CNTLN: variants seen among roughly 807,000 people sequenced by gnomAD.
CNTLN encodes the protein centlein.
In CNTLN, 212 loss-of-function variants were observed where a neutral mutation model predicts 180.0. The ratio of observed to expected loss-of-function variants is 1.18; its 90% CI spans 1.05 to 1.32. The LOEUF is 1.32. Among genes scored for constraint, CNTLN ranks in the 40% most tolerant of loss-of-function variants. The pLI is 0.00. For synonymous variants in CNTLN, 722 were observed against 563.1 expected (o/e 1.28, Z -3.99); for missense variants, 2,095 against 1,610.9 (o/e 1.30, Z -5.14).
chr9:17,332,640 A>T lies in CNTLN; in HGVS notation c.1554A>T (p.Pro518=). The change falls in exon 10 of 26, where the codon CCA becomes CCT. Residue 518 remains proline, a synonymous_variant. Transcript: ENST00000380647. ...PPVKRSRSLS[P]KSSFTDSEEL... ...TGAAACGTTCAAGGTCTTTGTCCCCAAAGAGCTCTTTCACAGACTCAGAAG... is the reference window on the plus strand; with the variant it reads ...TGAAACGTTCAAGGTCTTTGTCCCCTAAGAGCTCTTTCACAGACTCAGAAG... 6.2e-7 allele frequency: 1 copy of T among 1,608,920 alleles called. No individual in the cohort carries two copies. The highest frequency in any genetic ancestry group is 8.5e-7 in the Non-Finnish European group (1 of 1,177,868).
At chr9:17,338,339 T>TTG (rs1469121043) in intron 10 of CNTLN, among the ~76,000 whole-genome samples, 1 of 140,236 alleles carries the variant, frequency 7.1e-6, no homozygotes, top group Non-Finnish European at 1.6e-5. Context: ...TAATTTTTGT[T>TTG]TTTTTTTTTT....
At chr9:17,411,592 G>A (rs745457032) in intron 16 of CNTLN, among the ~76,000 whole-genome samples, 2 of 152,182 alleles carry the variant, frequency 1.3e-5, no homozygotes, top group African/African-American at 2.4e-5. Flanking sequence ...CAGAAGGTGA[G>A]AGGTGGGTGA....
intron 13 of CNTLN, among the ~76,000 whole-genome samples, chr9:17,375,306 G>A (rs1564044942): frequency 6.6e-6 from 1 of 152,094 alleles, no homozygotes; most frequent in Non-Finnish European, 1.5e-5. Context: ...ATAATTAATG[G>A]ATTACAAAAA....
intron 2 of CNTLN, among the ~76,000 whole-genome samples, chr9:17,189,220 C>G (rs1215668494): frequency 6.8e-6 from 1 of 147,706 alleles, no homozygotes; most frequent in Non-Finnish European, 1.5e-5. Flanking sequence ...GTAGCTGGGA[C>G]TACAGCTGCC....
rs1827629330 is a variant in CNTLN at position 17,268,086 on chromosome 9, C to G, written c.850-5647C>G. ...TTTGTTCCGTTGCTGGTGAGGAGCT[C>G]TGTCCTTTGGAGGAGGAGAGGTGCT... On this transcript the variant is annotated intron_variant, in intron 5 of 25. Transcript: ENST00000380647. Among the ~76,000 whole-genome samples the G allele has an allele frequency of 2.0e-5, 3 of 152,162 alleles. No homozygotes were observed. In the South Asian group the frequency reaches 6.2e-4, roughly 32 times the overall value.
At chr9:17,305,748 G>C (rs185206570) in intron 7 of CNTLN, among the ~76,000 whole-genome samples, 32 of 152,248 alleles carry the variant, frequency 2.1e-4, no homozygotes, top group Admixed American at 8.5e-4. Flanking sequence ...GAGGCCTAGA[G>C]TTAAAAATGG....
intron 23 of CNTLN, among the ~76,000 whole-genome samples, chr9:17,483,051 A>C (rs1832727001): frequency 6.6e-6 from 1 of 152,162 alleles, no homozygotes; most frequent in Non-Finnish European, 1.5e-5. Context: ...AAAATTAAAA[A>C]TATTTTTCTG....
At chr9:17,463,677 G>T (rs1450242673) in intron 20 of CNTLN, among the ~76,000 whole-genome samples, 1 of 151,444 alleles carries the variant, frequency 6.6e-6, no homozygotes, top group African/African-American at 2.4e-5. Flanking sequence ...CAAAAAGCTT[G>T]GTTAATTTTT....
chr9:17,358,991 A>G (rs1212124634), intron 12 of CNTLN, among the ~76,000 whole-genome samples: 2 of 151,900 alleles, frequency 1.3e-5, no homozygotes, highest in Admixed American at 6.6e-5. Flanking sequence ...TAGTAGGCCA[A>G]TATTTATTCC....
At chr9:17,355,662 T>G (rs1587751900) in intron 12 of CNTLN, among the ~76,000 whole-genome samples, 1 of 152,212 alleles carries the variant, frequency 6.6e-6, no homozygotes, top group Non-Finnish European at 1.5e-5. Context: ...TGATACTCAG[T>G]TATCCCAAAT....
chr9:17,141,981 C>T (rs1818131187), intron 1 of CNTLN, among the ~76,000 whole-genome samples: 3 of 150,448 alleles, frequency 2.0e-5, no homozygotes, highest in South Asian at 4.2e-4. Context: ...ACTCAGGAGG[C>T]TGAGGCAGAA....
chr9:17,228,686 C>CCAGTA, intron 3 of CNTLN, among the ~76,000 whole-genome samples: 1 of 152,004 alleles, frequency 6.6e-6, no homozygotes, highest in Middle Eastern at 3.4e-3. Flanking sequence ...GACTGTATAC[C>CCAGTA]CAGTACGTAA....
At chr9:17,148,775 T>C (rs927153754) in intron 2 of CNTLN, among the ~76,000 whole-genome samples, 3 of 152,242 alleles carry the variant, frequency 2.0e-5, no homozygotes, top group Non-Finnish European at 4.4e-5. Context: ...TGCCACTTTG[T>C]GTGTACCTGC....
At chr9:17,269,437 C>T (rs546277590) in intron 5 of CNTLN, among the ~76,000 whole-genome samples, 1 of 151,978 alleles carries the variant, frequency 6.6e-6, no homozygotes, top group African/African-American at 2.4e-5. Context: ...TTCTGCATCC[C>T]AGAAGTTTTG....
Position 17,416,140 on chromosome 9 carries a change from A to C in CNTLN, c.3065A>C (p.Gln1022Pro). The C allele has an allele frequency of 6.2e-7, 1 of 1,613,558 alleles. No homozygotes were observed. Among genetic ancestry groups the C allele is most frequent in the East Asian group, 2.2e-5 (1 of 44,778 alleles). Reference protein sequence around the residue: ...YKEVNEKLLHQQQVSDQRFQT... With the variant: ...YKEVNEKLLHPQQVSDQRFQT... Reference sequence around the variant, plus strand: ...GAAGTTAATGAAAAGCTCCTCCATCAACAGCAAGTATCCGATCAACGATTT... The same window carrying C: ...GAAGTTAATGAAAAGCTCCTCCATCCACAGCAAGTATCCGATCAACGATTT... The change falls in exon 18 of 26, where the codon CAA becomes CCA. Residue 1022 changes from glutamine (Q) to proline (P), a missense_variant. Gln to Pro is a moderately conservative substitution (Grantham distance 76). Coordinates refer to ENST00000380647, the MANE Select transcript of CNTLN (RefSeq NM_017738.4).
chr9:17,301,981 G>T (rs1818389595), intron 7 of CNTLN: 2 of 968,184 alleles, frequency 2.1e-6, no homozygotes, highest in South Asian at 9.6e-5. Flanking sequence ...TTCTACTGTT[G>T]GTTATATATG....
intron 18 of CNTLN, chr9:17,447,086 T>A (rs375126687): frequency 5.6e-5 from 11 of 197,628 alleles, no homozygotes; most frequent in African/African-American, 2.6e-4. Flanking sequence ...TGAGAGAAAT[T>A]GCCTGGTGGG....
chr9:17,296,743 C>T (rs1005608478), intron 6 of CNTLN, among the ~76,000 whole-genome samples: 1 of 152,046 alleles, frequency 6.6e-6, no homozygotes, highest in African/African-American at 2.4e-5. Flanking sequence ...TTTTTGACTG[C>T]TATTTTCTGC....
chr9:17,284,744 G>A (rs1173006004), intron 6 of CNTLN, among the ~76,000 whole-genome samples: 1 of 151,926 alleles, frequency 6.6e-6, no homozygotes, highest in Non-Finnish European at 1.5e-5. Flanking sequence ...GGTTTTTCAT[G>A]TCTGTATCTC....
Sources: gnomAD v4.1 joint callset for allele counts (sites outside exome capture counted in the v4.1 genomes callset) on GRCh38, gnomAD v4.1.1 for gene constraint, MANE v1.5 for transcripts, NCBI Gene and HGNC (gene_info 2026-07-23, HGNC 2026-07-21) for gene names.